Variants in ALPK2 observed in about 807,000 individuals in gnomAD.
ALPK2 encodes the protein alpha kinase 2.
A neutral mutation model predicts 163.1 loss-of-function variants in ALPK2; 127 were observed. The ratio of observed to expected loss-of-function variants is 0.78; its 90% CI spans 0.67 to 0.90. The LOEUF (loss-of-function observed/expected upper bound fraction) is 0.90, where lower values mean the gene tolerates loss of function less well. Among genes scored for constraint, ALPK2 ranks in the 40% least tolerant of loss-of-function variants. The pLI is 0.00. For synonymous variants in ALPK2, 953 were observed against 959.1 expected, an observed-to-expected ratio of 0.99 and a Z score of 0.12; for missense variants, 2,360 against 2,589.6, an observed-to-expected ratio of 0.91 and a Z score of 1.92.
rs146987719 is a variant in ALPK2 at position 58,549,730 on chromosome 18, C to G, written c.1963-11506G>C. Among the ~76,000 whole-genome samples, 11 of 152,292 alleles carry G rather than the reference C, an allele frequency of 7.2e-5. No homozygotes were observed. In the East Asian group the frequency reaches 2.1e-3, roughly 29 times the overall value. On this transcript the variant is annotated intron_variant, in intron 4 of 12. Transcript: ENST00000361673. ...TAACAAAATTTTCTTTCTGATTAAG[C>G]CTATTCTGGTCCAATCCCTTGGGCA...
At chr18:58,565,015 T>C (rs898715362) in intron 4 of ALPK2, among the ~76,000 whole-genome samples, 9 of 152,228 alleles carry the variant, frequency 5.9e-5, no homozygotes, top group African/African-American at 2.2e-4. Flanking sequence ...TATATATGTA[T>C]ATACAAATAA....
intron 3 of ALPK2, among the ~76,000 whole-genome samples, chr18:58,591,507 G>A (rs1046830466): frequency 7.9e-5 from 12 of 152,154 alleles, no homozygotes; most frequent in Admixed American, 2.0e-4. Flanking sequence ...ATTAACAAGC[G>A]TGCCAGTTAT....
At chr18:58,557,738 A>T (rs1216153942) in intron 4 of ALPK2, among the ~76,000 whole-genome samples, 1 of 151,174 alleles carries the variant, frequency 6.6e-6, no homozygotes, top group African/African-American at 2.4e-5. Flanking sequence ...ATAGTTTGTC[A>T]TTGGATCAGC....
chr18:58,537,667 C>T lies in ALPK2; in HGVS notation c.2520G>A (p.Thr840=), dbSNP rs201938749. The T allele has an allele frequency of 3.9e-5, 63 of 1,613,726 alleles. No homozygotes were observed. The highest frequency in any genetic ancestry group is 9.9e-5 in the South Asian group (9 of 91,058). Residue 840 remains threonine (T), a synonymous_variant, in exon 5 of 13, where the codon ACG becomes ACA. Coordinates refer to ENST00000361673, the MANE Select transcript of ALPK2 (RefSeq NM_052947.4). ...YSPQEICSVD[T]ELAEGQNKVS... is the part of the protein sequence containing the mutation. ...CTTTGTTTTGACCTTCTGCCAGTTC[C>T]GTATCTACAGAGCAAATTTCTTGAG...
At chr18:58,622,572 G>C (rs2052207567) in intron 1 of ALPK2, among the ~76,000 whole-genome samples, 1 of 152,186 alleles carries the variant, frequency 6.6e-6, no homozygotes, top group Non-Finnish European at 1.5e-5. Flanking sequence ...ACAGGGAAGA[G>C]AGGAGAACTT....
At chr18:58,627,731 A>G (rs931739714) in intron 1 of ALPK2, among the ~76,000 whole-genome samples, 1 of 152,250 alleles carries the variant, frequency 6.6e-6, no homozygotes, top group Admixed American at 6.5e-5. Context: ...AGATCTGAAC[A>G]TGGTTATTGG....
chr18:58,565,731 G>GTTTC (rs2051848396), intron 4 of ALPK2, among the ~76,000 whole-genome samples: 1 of 145,786 alleles, frequency 6.9e-6, no homozygotes, highest in Admixed American at 6.9e-5. Flanking sequence ...TCTCTTTTTT[G>GTTTC]TTCCTTCCTT....
In ALPK2 at chr18:58,580,394, C is replaced by T. The variant is rs2051952120; in HGVS notation, c.382G>A (p.Glu128Lys). 1 of 1,614,168 alleles carries T rather than the reference C, an allele frequency of 6.2e-7. No homozygotes were observed. Among genetic ancestry groups the T allele is most frequent in the African/African-American group, 1.3e-5 (1 of 75,044 alleles). ...EDDRDRGWKH[E>K]TGTHEEERAN... The stretch of plus-strand genomic sequence containing the variant: ...CTTTCTTCTTCATGTGTCCCTGTTT[C>T]ATGTTTCCAACCCCTGTCCCTGTCA... The change falls in exon 4 of 13, where the codon GAA (glutamate) becomes AAA (lysine). Residue 128 changes from glutamate (E) to lysine (K), a missense_variant. Transcript: ENST00000361673.
At chr18:58,606,791 G>A (rs71357611) in intron 3 of ALPK2, among the ~76,000 whole-genome samples, 1 of 152,064 alleles carries the variant, frequency 6.6e-6, no homozygotes, top group African/African-American at 2.4e-5. Context: ...TTTACTTATT[G>A]AGTTTCCTGG....
intron 10 of ALPK2, among the ~76,000 whole-genome samples, chr18:58,512,752 TTG>T (rs1219781137): frequency 7.0e-6 from 1 of 142,966 alleles, no homozygotes; most frequent in African/African-American, 2.6e-5. Context: ...GTGGTGTGTG[TTG>T]TGTGTATGTG....
chr18:58,539,362 A>AGGAAGGC (rs922859149), intron 4 of ALPK2, among the ~76,000 whole-genome samples: 3 of 152,190 alleles, frequency 2.0e-5, no homozygotes, highest in Non-Finnish European at 4.4e-5. Flanking sequence ...GGAGGAAGAG[A>AGGAAGGC]GGAAGGCAGA....
intron 3 of ALPK2, among the ~76,000 whole-genome samples, chr18:58,603,940 G>T (rs1379668736): frequency 6.6e-6 from 1 of 152,168 alleles, no homozygotes; most frequent in Non-Finnish European, 1.5e-5. Context: ...CCGTGTTAAT[G>T]TAAAGGTTAC....
At chr18:58,576,287 T>A (rs539934151) in intron 4 of ALPK2, among the ~76,000 whole-genome samples, 1 of 152,168 alleles carries the variant, frequency 6.6e-6, no homozygotes, top group Admixed American at 6.5e-5. Context: ...GGCAGGAGAA[T>A]CTCTTGAATC....
At chr18:58,596,265 G>A (rs924762539) in intron 3 of ALPK2, among the ~76,000 whole-genome samples, 2 of 152,176 alleles carry the variant, frequency 1.3e-5, no homozygotes, top group African/African-American at 4.8e-5. Flanking sequence ...CTGTTGTCAG[G>A]GCCTCGGTGC....
At chr18:58,603,006 T>C (rs1298606838) in intron 3 of ALPK2, among the ~76,000 whole-genome samples, 2 of 152,226 alleles carry the variant, frequency 1.3e-5, no homozygotes, top group African/African-American at 4.8e-5. Context: ...CACCCTCAGT[T>C]CCAGGAAATC....
intron 5 of ALPK2, 71 bp from the exon 6 acceptor site, chr18:58,529,309 C>A: frequency 7.1e-7 from 1 of 1,403,328 alleles, no homozygotes; most frequent in South Asian, 1.3e-5. Context: ...ATTCTCATAA[C>A]AATCCTGAGA....
chr18:58,530,065 T>C (rs2051605031), intron 5 of ALPK2, among the ~76,000 whole-genome samples: 1 of 152,192 alleles, frequency 6.6e-6, no homozygotes, highest in Non-Finnish European at 1.5e-5. Flanking sequence ...CTCCACAGCG[T>C]TGGTAACACA....
chr18:58,611,667 T>C (rs768149957), intron 2 of ALPK2, 22 bp downstream of exon 2: 20 of 1,594,428 alleles, frequency 1.3e-5, no homozygotes, highest in Non-Finnish European at 1.6e-5. Flanking sequence ...AGAGGGTGAT[T>C]AGCTAGTCTA....
Position 58,536,121 on chromosome 18 carries a change from A to T in ALPK2, c.4066T>A (p.Ser1356Thr). The T allele has an allele frequency of 6.2e-7, 1 of 1,614,150 alleles. No homozygotes were observed. The highest frequency in any genetic ancestry group is 1.1e-5 in the South Asian group (1 of 91,074). Residue 1356 changes from serine (S) to threonine (T), a missense_variant, in exon 5 of 13, where the codon TCA (serine) becomes ACA (threonine). By Grantham distance (58) the Ser-to-Thr change is moderately conservative (BLOSUM62 1). Coordinates refer to ENST00000361673, the MANE Select transcript of ALPK2 (RefSeq NM_052947.4). ...VDEKELSVTD[S>T]LSAASETGGK... is the part of the protein sequence containing the mutation. ...CCAGTTTCAGAAGCCGCTGACAGTGAATCTGTGACAGATAACTCCTTTTCA... is the reference window on the plus strand; with the variant it reads ...CCAGTTTCAGAAGCCGCTGACAGTGTATCTGTGACAGATAACTCCTTTTCA...
Sources: gnomAD v4.1 joint callset for allele counts (sites outside exome capture counted in the v4.1 genomes callset) on GRCh38, gnomAD v4.1.1 for gene constraint, MANE v1.5 for transcripts, NCBI Gene and HGNC (gene_info 2026-07-23, HGNC 2026-07-21) for gene names.